The following TESC variants were observed in gnomAD, a reference collection of about 807,000 sequenced individuals.
TESC encodes the protein calcineurin B homologous protein 3.
In TESC, 19 loss-of-function variants were observed where a neutral mutation model predicts 31.0. The observed-to-expected ratio is 0.61, with a 90% CI of 0.43 to 0.90. The LOEUF (loss-of-function observed/expected upper bound fraction) is 0.90. Among genes scored for constraint, TESC ranks in the 40% least tolerant of loss-of-function variants. The probability of loss-of-function intolerance (pLI) is 0.00; values close to 1 mark genes in which losing one functional copy is unlikely to be tolerated. For synonymous variants in TESC, 109 were observed against 114.8 expected, an observed-to-expected ratio of 0.95 and a Z score of 0.32; for missense variants, 248 against 303.8, an observed-to-expected ratio of 0.82 and a Z score of 1.36.
intron 1 of TESC, among the ~76,000 whole-genome samples, chr12:117,075,913 A>G (rs9788115): frequency 0.17 from 8,519 of 51,214 alleles, 868 homozygotes; most frequent in African/African-American, 0.31. Context: ...ATATATATAT[A>G]TGTGTGTGTG....
intron 1 of TESC, among the ~76,000 whole-genome samples, chr12:117,076,841 C>G (rs767968963): frequency 3.3e-5 from 5 of 152,188 alleles, no homozygotes; most frequent in African/African-American, 9.6e-5. Flanking sequence ...CAAGTCTGTG[C>G]GACTGACCCC....
At chr12:117,091,599 AAC>A (rs1955309782) in intron 1 of TESC, among the ~76,000 whole-genome samples, 2 of 152,150 alleles carry the variant, frequency 1.3e-5, no homozygotes, top group Admixed American at 1.3e-4. Flanking sequence ...GCACAGAGAA[AAC>A]ACAAATTCTT....
At chr12:117,056,939 C>T (rs1178362782) in intron 2 of TESC, 53 bp from the exon 3 acceptor site, 58 of 1,577,632 alleles carry the variant, frequency 3.7e-5, no homozygotes, top group Middle Eastern at 3.3e-4. Context: ...AGATAGCAGA[C>T]GTCAGCTGGC....
chr12:117,092,123 C>T (rs538941468), intron 1 of TESC, among the ~76,000 whole-genome samples: 11 of 152,294 alleles, frequency 7.2e-5, no homozygotes, highest in African/African-American at 1.7e-4. Context: ...AAGGGCTTTT[C>T]GGCAGATCAG....
intron 2 of TESC, among the ~76,000 whole-genome samples, chr12:117,063,993 T>C (rs1954835915): frequency 6.6e-6 from 1 of 152,206 alleles, no homozygotes; most frequent in African/African-American, 2.4e-5. Context: ...AGTGCATTCA[T>C]GGCTCACTGC....
chr12:117,046,104 T>C (rs7971795), intron 6 of TESC, among the ~76,000 whole-genome samples: 68,687 of 152,130 alleles, frequency 0.45, 17,952 homozygotes, highest in African/African-American at 0.73. Context: ...TCCACCGGAC[T>C]CCATGCCATC....
At chr12:117,063,392 G>C (rs530619125) in intron 2 of TESC, among the ~76,000 whole-genome samples, 290 of 152,336 alleles carry the variant, frequency 1.9e-3, no homozygotes, top group African/African-American at 6.7e-3. Flanking sequence ...GAAGAGGGCA[G>C]GACAAGCGTC....
intron 1 of TESC, among the ~76,000 whole-genome samples, chr12:117,087,993 C>T (rs1955243043): frequency 6.6e-6 from 1 of 152,160 alleles, no homozygotes; most frequent in Non-Finnish European, 1.5e-5. Context: ...GGTAATCACA[C>T]CCATTTTATA....
intron 6 of TESC, 140 bp from the exon 7 acceptor site, chr12:117,042,134 G>A: frequency 1.2e-6 from 1 of 836,128 alleles, no homozygotes; most frequent in Non-Finnish European, 1.9e-6. Context: ...ATCACAAGAA[G>A]AGGAGAACGT....
intron 1 of TESC, among the ~76,000 whole-genome samples, chr12:117,081,998 AGGAT>A (rs1955155454): frequency 6.6e-6 from 1 of 151,046 alleles, no homozygotes; most frequent in Non-Finnish European, 1.5e-5. Context: ...CAGAAGTGGG[AGGAT>A]CACTTGAGCC....
intron 1 of TESC, among the ~76,000 whole-genome samples, chr12:117,087,798 G>A (rs761695824): frequency 3.9e-5 from 6 of 152,166 alleles, no homozygotes; most frequent in Non-Finnish European, 7.3e-5. Context: ...AGCCAAGATC[G>A]CACCACTGCA....
At chr12:117,052,325 T>A (rs934404691) in intron 3 of TESC, among the ~76,000 whole-genome samples, 37 of 152,206 alleles carry the variant, frequency 2.4e-4, no homozygotes, top group African/African-American at 8.2e-4. Context: ...AGGCTGGTAT[T>A]TCTTGAAAGG....
intron 2 of TESC, among the ~76,000 whole-genome samples, chr12:117,057,612 C>T (rs774555887): frequency 4.6e-5 from 7 of 152,120 alleles, no homozygotes; most frequent in Non-Finnish European, 7.3e-5. Context: ...GTATTGACAA[C>T]CCAGCAACTC....
At chr12:117,068,070 T>A (rs1954912294) in intron 2 of TESC, among the ~76,000 whole-genome samples, 1 of 152,176 alleles carries the variant, frequency 6.6e-6, no homozygotes, top group South Asian at 2.1e-4. Flanking sequence ...TTTTAAATTT[T>A]TTTTGTAGAG....
chr12:117,081,846 G>A (rs1955152892), intron 1 of TESC, among the ~76,000 whole-genome samples: 1 of 152,102 alleles, frequency 6.6e-6, no homozygotes, highest in African/African-American at 2.4e-5. Context: ...GGAGGTTGCA[G>A]CGAGCCGAGA....
intron 2 of TESC, among the ~76,000 whole-genome samples, chr12:117,059,890 C>G (rs922928906): frequency 1.3e-5 from 2 of 152,164 alleles, no homozygotes; most frequent in African/African-American, 4.8e-5. Context: ...TTGCACCTGT[C>G]CAGGAACGAG....
chr12:117,051,021 C>T (rs755885477), intron 3 of TESC, among the ~76,000 whole-genome samples: 15 of 152,314 alleles, frequency 9.8e-5, no homozygotes, highest in Non-Finnish European at 1.8e-4. Context: ...TGACCATGAG[C>T]GCCCGAGGCT....
At chr12:117,095,364 C>T (rs1167873528) in intron 1 of TESC, among the ~76,000 whole-genome samples, 11 of 152,198 alleles carry the variant, frequency 7.2e-5, no homozygotes, top group Admixed American at 6.5e-4. Flanking sequence ...TGAGCCACCA[C>T]GCCCGGCCTA....
At chr12:117,098,918 T>C (rs1379709343) in intron 1 of TESC, among the ~76,000 whole-genome samples, 3 of 151,786 alleles carry the variant, frequency 2.0e-5, no homozygotes, top group Non-Finnish European at 4.4e-5. Flanking sequence ...CCGCCCGGCC[T>C]GAGGCACCTG....
Sources: allele counts gnomAD v4.1 joint callset (sites outside exome capture counted in the v4.1 genomes callset), GRCh38; gene constraint gnomAD v4.1.1; transcripts MANE v1.5; gene names NCBI Gene and HGNC (gene_info 2026-07-23, HGNC 2026-07-21).